The following TSPAN8 variants were observed in gnomAD, a reference collection of about 807,000 sequenced individuals.
The protein encoded by TSPAN8 is tetraspanin 8, also known as tetraspanin-8.
Under a neutral mutation model 32.8 loss-of-function variants are expected in TSPAN8, and 21 were observed. The observed-to-expected ratio is 0.64, with a 90% CI of 0.45 to 0.92. The LOEUF (loss-of-function observed/expected upper bound fraction) is 0.92, where lower values mean the gene tolerates loss of function less well. TSPAN8 is among the 40% of genes least tolerant of loss of function. The pLI is 0.00. For missense variants in TSPAN8, 269 were observed against 281.9 expected (o/e 0.95, Z 0.33); for synonymous variants, 95 against 94.6 (o/e 1.00, Z -0.03).
chr12:71,144,359 T>A lies in TSPAN8; in HGVS notation c.61-146A>T, dbSNP rs893436953. On this transcript the variant is annotated intron_variant, in intron 2 of 8. Transcript: ENST00000247829. ...AAGACATAAATGAGGCATATTCATA[T>A]ACAGATCATTGTTGAAATGTTAAAT... 16 of 614,604 alleles carry A rather than the reference T, an allele frequency of 2.6e-5. No individual in the cohort carries two copies. The African/African-American group carries it at 2.9e-4, about 11-fold the overall frequency. 38.1% of individuals were successfully genotyped at this position (614,604 alleles called of 1,614,324 possible).
intron 8 of TSPAN8, among the ~76,000 whole-genome samples, chr12:71,126,019 A>G (rs951334999): frequency 6.6e-6 from 1 of 152,176 alleles, no homozygotes. Flanking sequence ...GAGGGACCCC[A>G]AAATTTGCTC....
intron 7 of TSPAN8, among the ~76,000 whole-genome samples, chr12:71,132,253 T>G (rs1163254807): frequency 6.6e-6 from 1 of 152,198 alleles, no homozygotes; most frequent in Non-Finnish European, 1.5e-5. Context: ...AGTCCTTTCT[T>G]TAAATTTTGG....
chr12:71,157,696 A>G lies in TSPAN8; in HGVS notation c.-18T>C. On this transcript the variant is annotated 5_prime_UTR_variant, in exon 2 of 9. Coordinates refer to ENST00000247829, the MANE Select transcript of TSPAN8 (RefSeq NM_004616.3). ...CCTGCCATTTCGGAAAAGGATTAGG[A>G]ATCCAGATGCCGTGAATTTAACTAT... 2 of 1,603,530 alleles carry G rather than the reference A, an allele frequency of 1.2e-6. No individual in the cohort carries two copies. Among genetic ancestry groups the G allele is most frequent in the Non-Finnish European group, 1.7e-6 (2 of 1,170,484 alleles).
intron 6 of TSPAN8, among the ~76,000 whole-genome samples, chr12:71,134,148 C>T (rs183607391): frequency 6.6e-6 from 1 of 152,138 alleles, no homozygotes; most frequent in Non-Finnish European, 1.5e-5. Context: ...ATTTAATTTG[C>T]AGATTTATCA....
chr12:71,157,207 G>C (rs1872471634), intron 2 of TSPAN8: 1 of 165,622 alleles, frequency 6.0e-6, no homozygotes, highest in African/African-American at 2.4e-5. Context: ...CGATTCACCT[G>C]TTCAAACCCA....
intron 8 of TSPAN8, among the ~76,000 whole-genome samples, chr12:71,127,618 G>A (rs112142431): frequency 0.011 from 1,744 of 152,100 alleles, 32 homozygotes; most frequent in African/African-American, 0.039. Context: ...TATGTCTTTA[G>A]AAGAACAAAT....
At chr12:71,140,912 G>A (rs1354070406) in intron 3 of TSPAN8, among the ~76,000 whole-genome samples, 1 of 152,162 alleles carries the variant, frequency 6.6e-6, no homozygotes, top group East Asian at 1.9e-4. Flanking sequence ...GGGCTATATA[G>A]CATGTAGGTC....
At chr12:71,130,642 T>TA (rs397706421) in intron 7 of TSPAN8, among the ~76,000 whole-genome samples, 2 of 151,980 alleles carry the variant, frequency 1.3e-5, no homozygotes, top group Admixed American at 6.6e-5. Context: ...AAGTCATCTT[T>TA]CCCCTTCATT....
At chr12:71,133,802 T>A (rs1871595813) in intron 6 of TSPAN8, among the ~76,000 whole-genome samples, 1 of 152,162 alleles carries the variant, frequency 6.6e-6, no homozygotes, top group South Asian at 2.1e-4. Context: ...TCAGGGCATG[T>A]GGCACATGAT....
At chr12:71,150,142 C>T (rs896139374) in intron 2 of TSPAN8, among the ~76,000 whole-genome samples, 6 of 152,160 alleles carry the variant, frequency 3.9e-5, no homozygotes, top group African/African-American at 1.4e-4. Flanking sequence ...TGGGAAACTC[C>T]ACCCTGGTAA....
chr12:71,143,016 C>T (rs149238777), intron 3 of TSPAN8, among the ~76,000 whole-genome samples: 1 of 152,238 alleles, frequency 6.6e-6, no homozygotes, highest in African/African-American at 2.4e-5. Flanking sequence ...GTAGAAAATG[C>T]ATTGTCTTAA....
intron 4 of TSPAN8, 124 bp from the exon 5 acceptor site, chr12:71,138,354 T>C (rs1871782992): frequency 1.1e-6 from 1 of 941,488 alleles, no homozygotes; most frequent in African/African-American, 1.7e-5. Context: ...AGTCACACTC[T>C]TCATTTATTC....
chr12:71,146,574 C>A (rs896435758), intron 2 of TSPAN8, among the ~76,000 whole-genome samples: 2 of 152,028 alleles, frequency 1.3e-5, no homozygotes, highest in Non-Finnish European at 2.9e-5. Context: ...TAAATAAATG[C>A]CTGCTCTCTA....
intron 6 of TSPAN8, among the ~76,000 whole-genome samples, chr12:71,133,447 A>G (rs1871584326): frequency 6.6e-6 from 1 of 152,196 alleles, no homozygotes; most frequent in Non-Finnish European, 1.5e-5. Context: ...ATTGTCAAAA[A>G]AGTTTCCAAA....
intron 8 of TSPAN8, among the ~76,000 whole-genome samples, chr12:71,125,797 T>C (rs1316296333): frequency 6.6e-6 from 1 of 152,188 alleles, no homozygotes; most frequent in African/African-American, 2.4e-5. Flanking sequence ...GATCATCTGG[T>C]TTAAATCATC....
In TSPAN8 at chr12:71,137,196, C is replaced by T. The variant is rs977770879; in HGVS notation, c.444+757G>A. ...TCAGGAACCTGAGGTGGGAAGATCT[C>T]TTGAGCCCTGGTGGTCAAAATTGCA... On this transcript the variant is annotated intron_variant, in intron 6 of 8. Transcript: ENST00000247829. 3.3e-5 allele frequency among the ~76,000 whole-genome samples: 5 copies of T among 152,262 alleles called. No homozygotes were observed. In the South Asian group the frequency reaches 6.2e-4, roughly 19 times the overall value.
rs563166885 is a variant in TSPAN8, at chr12:71,157,724, G to C, written c.-46C>G. On this transcript the variant is annotated 5_prime_UTR_variant, in exon 2 of 9. Coordinates refer to ENST00000247829, the MANE Select transcript of TSPAN8 (RefSeq NM_004616.3). ...CCAGATGCCGTGAATTTAACTATTC[G>C]TTACAGGCTTGTCCTGCAATATGCT... The C allele has an allele frequency of 6.7e-6, 10 of 1,484,188 alleles. No individual in the cohort carries two copies. The highest frequency in any genetic ancestry group is 9.4e-6 in the Non-Finnish European group (10 of 1,062,138). 91.9% of individuals were successfully genotyped at this position (1,484,188 alleles called of 1,614,324 possible).
intron 7 of TSPAN8, among the ~76,000 whole-genome samples, chr12:71,131,303 T>A (rs571093511): frequency 6.6e-6 from 1 of 152,224 alleles, no homozygotes; most frequent in East Asian, 1.9e-4. Flanking sequence ...AAACGCAATA[T>A]AACCTGTAGT....
Position 71,139,747 on chromosome 12 carries a change from G to A in TSPAN8, c.225C>T (p.Cys75=), listed in dbSNP as rs778320093. 10 of 1,613,830 alleles carry A rather than the reference G, an allele frequency of 6.2e-6. No individual in the cohort carries two copies. The highest frequency in any genetic ancestry group is 2.2e-5 in the East Asian group (1 of 44,872). ...TGCAGCGACTTTCTTTTATAGCACC[G>A]CAGCATCCCAGGAAGCCCAGAATCA... The part of the protein sequence containing the change: ...IIMILGFLGC[C]GAIKESRCML... The change falls in exon 4 of 9, where the codon TGC becomes TGT. Residue 75 remains cysteine, a synonymous_variant. Coordinates refer to ENST00000247829, the MANE Select transcript of TSPAN8 (RefSeq NM_004616.3).
Sources: allele counts gnomAD v4.1 joint callset (sites outside exome capture counted in the v4.1 genomes callset), GRCh38; gene constraint gnomAD v4.1.1; transcripts MANE v1.5; gene names NCBI Gene and HGNC (gene_info 2026-07-23, HGNC 2026-07-21).